The following PDE4D variants were observed in gnomAD, a reference collection of about 807,000 sequenced individuals.
The protein encoded by PDE4D is phosphodiesterase 4D, also known as 3',5'-cyclic-AMP phosphodiesterase 4D.
PDE4D carries 24 observed loss-of-function variants against 87.4 expected under a neutral mutation model. The ratio of observed to expected loss-of-function variants is 0.27; its 90% CI spans 0.20 to 0.39. The LOEUF is 0.39. Ranked by LOEUF, PDE4D falls within the 10% of genes least tolerant of loss-of-function variation. The pLI is 1.00. For synonymous variants in PDE4D, 384 were observed against 383.2 expected (o/e 1.00, Z -0.02); for missense variants, 714 against 1,041.0 (o/e 0.69, Z 4.32).
intron 1 of PDE4D, among the ~76,000 whole-genome samples, chr5:59,452,386 T>C (rs1172113158): frequency 6.6e-6 from 1 of 152,210 alleles, no homozygotes; most frequent in Non-Finnish European, 1.5e-5. Flanking sequence ...TCTGATTCAT[T>C]GCACTGGTGA....
chr5:59,426,614 G>A (rs990974409), intron 1 of PDE4D, among the ~76,000 whole-genome samples: 6 of 152,094 alleles, frequency 3.9e-5, no homozygotes, highest in South Asian at 2.1e-4. Flanking sequence ...ACCCTGCCCC[G>A]ACAGTAATGG....
chr5:59,750,083 C>CT (rs1251524921), intron 1 of PDE4D, among the ~76,000 whole-genome samples: 44 of 116,476 alleles, frequency 3.8e-4, no homozygotes, highest in African/African-American at 1.3e-3. Context: ...AGAATTATGA[C>CT]CTTTTTTTTT....
At chr5:59,686,944 C>A (rs534563701) in intron 1 of PDE4D, among the ~76,000 whole-genome samples, 4 of 152,120 alleles carry the variant, frequency 2.6e-5, no homozygotes, top group Non-Finnish European at 5.9e-5. Context: ...TAACAAACAC[C>A]ATTTAACAGT....
At chr5:60,230,686 T>C (rs2149624347) in intron 1 of PDE4D, among the ~76,000 whole-genome samples, 1 of 152,180 alleles carries the variant, frequency 6.6e-6, no homozygotes, top group African/African-American at 2.4e-5. Context: ...AAAGAGAACT[T>C]TGAGTCAATG....
intron 2 of PDE4D, among the ~76,000 whole-genome samples, chr5:60,157,842 C>T (rs976346517): frequency 1.3e-5 from 2 of 151,944 alleles, no homozygotes; most frequent in African/African-American, 4.8e-5. Context: ...AGAAAATGAA[C>T]CATTCTTTTC....
chr5:59,369,234 T>C (rs1394378767), intron 1 of PDE4D, among the ~76,000 whole-genome samples: 1 of 151,810 alleles, frequency 6.6e-6, no homozygotes, highest in Non-Finnish European at 1.5e-5. Context: ...CAAGTCTGTG[T>C]AGGAATCTAC....
chr5:60,441,171 C>A (rs1161448759), intron 1 of PDE4D, among the ~76,000 whole-genome samples: 1 of 152,070 alleles, frequency 6.6e-6, no homozygotes, highest in East Asian at 1.9e-4. Context: ...AGGCATCACG[C>A]TACCTGACTT....
intron 2 of PDE4D, among the ~76,000 whole-genome samples, chr5:60,084,418 G>GTGCGCATGCGCACGCA (rs1562072588): frequency 4.9e-4 from 75 of 152,032 alleles, no homozygotes; most frequent in African/African-American, 1.7e-3. Context: ...GCGCGCGCGT[G>GTGCGCATGCGCACGCA]TGCGCATGCG....
At chr5:59,074,338 G>A (rs923296469) in intron 5 of PDE4D, among the ~76,000 whole-genome samples, 1 of 152,142 alleles carries the variant, frequency 6.6e-6, no homozygotes. Flanking sequence ...CTTGTGCAGA[G>A]CCCTAGACTA....
At chr5:60,155,903 G>A (rs1033936943) in intron 2 of PDE4D, among the ~76,000 whole-genome samples, 18 of 152,200 alleles carry the variant, frequency 1.2e-4, no homozygotes, top group African/African-American at 4.3e-4. Flanking sequence ...ATTAGAGGCT[G>A]TGCTTTGGCT....
intron 1 of PDE4D, among the ~76,000 whole-genome samples, chr5:60,227,682 T>A (rs1745289926): frequency 1.3e-5 from 2 of 152,028 alleles, no homozygotes. Context: ...GTTTTACTTT[T>A]GTAAAAACCT....
chr5:59,224,000 C>G lies in PDE4D; in HGVS notation c.456-8032G>C, dbSNP rs547306097. Among the ~76,000 whole-genome samples the G allele has an allele frequency of 1.0e-3, 154 of 151,462 alleles. No homozygotes were observed. In the Middle Eastern group the frequency reaches 0.01, roughly 10 times the overall value. Reference sequence around the variant, plus strand: ...ACAGATGATTTTTATAAACAAAAGCCCAGGGCTGGGCATGGTGGCTCACAC... The same window carrying G: ...ACAGATGATTTTTATAAACAAAAGCGCAGGGCTGGGCATGGTGGCTCACAC... On this transcript the variant is annotated intron_variant, in intron 1 of 14. Coordinates refer to ENST00000340635, the MANE Select transcript of PDE4D (RefSeq NM_001104631.2).
chr5:59,914,448 T>A (rs774523645), intron 3 of PDE4D, among the ~76,000 whole-genome samples: 31 of 152,082 alleles, frequency 2.0e-4, no homozygotes, highest in Middle Eastern at 3.4e-3. Context: ...CAGGACAAAG[T>A]CTGTGGGGCA....
intron 1 of PDE4D, among the ~76,000 whole-genome samples, chr5:60,344,673 C>T (rs892978033): frequency 6.6e-6 from 1 of 152,126 alleles, no homozygotes; most frequent in African/African-American, 2.4e-5. Context: ...CTAAGTAGCA[C>T]ACAAGAGATA....
chr5:59,039,896 G>A (rs1360544626), intron 5 of PDE4D: 4 of 152,438 alleles, frequency 2.6e-5, no homozygotes, highest in African/African-American at 9.6e-5. Flanking sequence ...CCGCCGTCCG[G>A]GGTCGCGCCC....
chr5:59,171,380 T>A (rs1782740116), intron 5 of PDE4D, among the ~76,000 whole-genome samples: 1 of 152,090 alleles, frequency 6.6e-6, no homozygotes, highest in Non-Finnish European at 1.5e-5. Flanking sequence ...CTGCCCCTAG[T>A]CTTTCTTCTT....
At chr5:60,359,397 G>A (rs1312815648) in intron 1 of PDE4D, among the ~76,000 whole-genome samples, 1 of 152,082 alleles carries the variant, frequency 6.6e-6, no homozygotes, top group East Asian at 1.9e-4. Context: ...GTCAGAGTGA[G>A]ACCCCATCTC....
intron 1 of PDE4D, among the ~76,000 whole-genome samples, chr5:59,624,393 C>T (rs915742589): frequency 6.6e-6 from 1 of 152,138 alleles, no homozygotes; most frequent in Non-Finnish European, 1.5e-5. Context: ...GATCTTCTCC[C>T]GAATTTGTCA....
At chr5:59,502,336 T>A (rs1808432713) in intron 1 of PDE4D, among the ~76,000 whole-genome samples, 1 of 152,112 alleles carries the variant, frequency 6.6e-6, no homozygotes, top group African/African-American at 2.4e-5. Context: ...TGACATGACT[T>A]TCAGATTTAA....
Sources: gnomAD v4.1 joint callset for allele counts (sites outside exome capture counted in the v4.1 genomes callset) on GRCh38, gnomAD v4.1.1 for gene constraint, MANE v1.5 for transcripts, NCBI Gene and HGNC (gene_info 2026-07-23, HGNC 2026-07-21) for gene names.